Variants in MIS18A observed in about 807,000 individuals in gnomAD.
MIS18A encodes protein Mis18-alpha.
MIS18A carries 14 observed loss-of-function variants against 25.0 expected under a neutral mutation model. The observed-to-expected ratio is 0.56, with a 90% CI of 0.37 to 0.88. The LOEUF (loss-of-function observed/expected upper bound fraction) is 0.88, where lower values mean the gene tolerates loss of function less well. Ranked by LOEUF, MIS18A falls within the 40% of genes least tolerant of loss-of-function variation. The probability of loss-of-function intolerance (pLI) is 0.00; values close to 1 mark genes in which losing one functional copy is unlikely to be tolerated. For synonymous variants in MIS18A, 134 were observed against 118.6 expected (o/e 1.13, Z -0.84); for missense variants, 292 against 290.8 (o/e 1.00, Z -0.03).
At chr21:32,170,270 T>A in the MIS18A span, among the ~76,000 whole-genome samples, 1 of 152,150 alleles carries the variant, frequency 6.6e-6, no homozygotes, top group African/African-American at 2.4e-5. Context: ...TAGGTGCTCA[T>A]CACTGATGGA....
chr21:32,205,742 T>C, the MIS18A span, among the ~76,000 whole-genome samples: 2 of 152,190 alleles, frequency 1.3e-5, no homozygotes, highest in East Asian at 1.9e-4. Context: ...TCTGGGCCGG[T>C]TGGCTGCCTG....
At chr21:32,169,167 A>G in the MIS18A span, among the ~76,000 whole-genome samples, 1 of 122,164 alleles carries the variant, frequency 8.2e-6, no homozygotes, top group Non-Finnish European at 1.6e-5. Flanking sequence ...CCTACCTTTC[A>G]GCTTAAAAAC....
the MIS18A span, among the ~76,000 whole-genome samples, chr21:32,213,716 G>A: frequency 2.0e-5 from 3 of 152,292 alleles, no homozygotes; most frequent in African/African-American, 7.2e-5. Context: ...AGGGTCAGAA[G>A]TCCAAAATCA....
the MIS18A span, among the ~76,000 whole-genome samples, chr21:32,212,810 T>C: frequency 2.0e-5 from 3 of 152,220 alleles, no homozygotes; most frequent in African/African-American, 4.8e-5. Flanking sequence ...AGTGGGAGTT[T>C]CCCCTGCACA....
the MIS18A span, among the ~76,000 whole-genome samples, chr21:32,176,076 T>A: frequency 6.6e-6 from 1 of 152,138 alleles, no homozygotes; most frequent in Non-Finnish European, 1.5e-5. Flanking sequence ...AACAATGCTG[T>A]CTTCTGGAAT....
the MIS18A span, among the ~76,000 whole-genome samples, chr21:32,157,810 G>A: frequency 3.3e-5 from 5 of 151,850 alleles, no homozygotes; most frequent in Admixed American, 3.3e-4. Context: ...TTGATACTAT[G>A]TTTATAAAAT....
At chr21:32,257,859 G>C in the MIS18A span, among the ~76,000 whole-genome samples, 1 of 152,106 alleles carries the variant, frequency 6.6e-6, no homozygotes, top group Non-Finnish European at 1.5e-5. Context: ...TTTTTAATCT[G>C]TTTCAGCAAA....
chr21:32,192,245 G>C, the MIS18A span, among the ~76,000 whole-genome samples: 1 of 152,152 alleles, frequency 6.6e-6, no homozygotes, highest in Non-Finnish European at 1.5e-5. Context: ...TTGCCCTGTG[G>C]ATGTATTTTG....
the MIS18A span, among the ~76,000 whole-genome samples, chr21:32,160,684 T>G: frequency 6.7e-6 from 1 of 149,876 alleles, no homozygotes; most frequent in African/African-American, 2.5e-5. Flanking sequence ...TTCGCTGGAG[T>G]GCAATGGCGT....
At chr21:32,226,862 A>C in the MIS18A span, among the ~76,000 whole-genome samples, 14,912 of 152,230 alleles carry the variant, frequency 0.098, 810 homozygotes, top group East Asian at 0.16. Flanking sequence ...AATAAATTTA[A>C]ATTGATTAAA....
At chr21:32,216,139 G>C in the MIS18A span, among the ~76,000 whole-genome samples, 1 of 152,162 alleles carries the variant, frequency 6.6e-6, no homozygotes, top group East Asian at 1.9e-4. Flanking sequence ...GCAACAATCT[G>C]AGGTGCATTT....
the MIS18A span, among the ~76,000 whole-genome samples, chr21:32,185,651 A>G: frequency 1.3e-5 from 2 of 151,814 alleles, no homozygotes; most frequent in South Asian, 4.2e-4. Context: ...CACACCAACA[A>G]CCCTGGAACT....
chr21:32,198,524 G>A, the MIS18A span, among the ~76,000 whole-genome samples: 1,519 of 152,290 alleles, frequency 1.0e-2, 27 homozygotes, highest in African/African-American at 0.034. Flanking sequence ...TGCTGCCACC[G>A]CCTCCCCTCG....
the MIS18A span, among the ~76,000 whole-genome samples, chr21:32,221,090 A>G: frequency 6.6e-6 from 1 of 152,190 alleles, no homozygotes; most frequent in Non-Finnish European, 1.5e-5. Flanking sequence ...TCCCCGACCT[A>G]GCAAGATAGG....
the MIS18A span, among the ~76,000 whole-genome samples, chr21:32,220,765 C>G: frequency 6.6e-6 from 1 of 151,632 alleles, no homozygotes; most frequent in African/African-American, 2.4e-5. Context: ...ACTAGAATAA[C>G]CAGTTTAGAG....
the MIS18A span, chr21:32,260,038 A>C: frequency 7.0e-6 from 1 of 143,582 alleles, no homozygotes; most frequent in Non-Finnish European, 1.5e-5. Context: ...CAATTCTGAA[A>C]TATGAAAAGC....
the MIS18A span, among the ~76,000 whole-genome samples, chr21:32,165,696 G>C: frequency 6.6e-6 from 1 of 152,064 alleles, no homozygotes; most frequent in South Asian, 2.1e-4. Context: ...CTGAGTGGGG[G>C]CAAGAAAGAC....
At chr21:32,250,541 G>A in the MIS18A span, among the ~76,000 whole-genome samples, 1 of 152,104 alleles carries the variant, frequency 6.6e-6, no homozygotes, top group Non-Finnish European at 1.5e-5. Flanking sequence ...CAGCTTATGG[G>A]GCAGCTGCCT....
At chr21:32,271,559 G>A (rs142815937) in intron 2 of MIS18A, among the ~76,000 whole-genome samples, 3 of 152,284 alleles carry the variant, frequency 2.0e-5, no homozygotes, top group African/African-American at 7.2e-5. Context: ...GTGATTAGCT[G>A]GATAGTATGC....
Sources: gnomAD v4.1 joint callset for allele counts (sites outside exome capture counted in the v4.1 genomes callset) on GRCh38, gnomAD v4.1.1 for gene constraint, MANE v1.5 for transcripts, NCBI Gene and HGNC (gene_info 2026-07-23, HGNC 2026-07-21) for gene names.